SCN4A: variants seen among roughly 807,000 people sequenced by gnomAD.
SCN4A encodes the protein sodium channel protein type 4 subunit alpha.
Under a neutral mutation model 162.0 loss-of-function variants are expected in SCN4A, and 83 were observed. The observed-to-expected ratio is 0.51, with a 90% CI of 0.43 to 0.61. The LOEUF is 0.61. Ranked by LOEUF, SCN4A falls within the 20% of genes least tolerant of loss-of-function variation. The pLI, the probability that SCN4A is intolerant of heterozygous loss-of-function variation, is 0.00. For missense variants in SCN4A, 2,196 were observed against 2,462.5 expected (o/e 0.89, Z 2.29); for synonymous variants, 944 against 985.1 (o/e 0.96, Z 0.78).
intron 5 of SCN4A, 23 bp downstream of exon 5, chr17:63,971,139 G>T (rs1305509301): frequency 3.3e-6 from 5 of 1,501,840 alleles, no homozygotes; most frequent in Non-Finnish European, 4.5e-6. Context: ...CTCAGGCAGA[G>T]GGTCCCTGCA....
rs774952045 is a variant in SCN4A, at chr17:63,966,465, C to T, written c.1100+16G>A. 1.9e-5 allele frequency: 31 copies of T among 1,612,618 alleles called. No homozygotes were observed. The highest frequency in any genetic ancestry group is 2.5e-5 in the Non-Finnish European group (30 of 1,178,680). ...ACCCCTGGGGTGCCTTTTCTGCATC[C>T]CTTAGCATCACTCACCCAGCATCAC... On this transcript the variant is annotated intron_variant, in intron 7 of 23. Coordinates refer to ENST00000435607, the MANE Select transcript of SCN4A (RefSeq NM_000334.4).
In SCN4A at chr17:63,944,550, C is replaced by G; in HGVS notation, c.3912+123G>C. ...TGGGACTGGGACCCAAGCTAGCTGCCTGAACCAACAACCTGGTAGGTGCTC... is the reference window on the plus strand; with the variant it reads ...TGGGACTGGGACCCAAGCTAGCTGCGTGAACCAACAACCTGGTAGGTGCTC... On this transcript the variant is annotated intron_variant, in intron 21 of 23. Coordinates refer to ENST00000435607, the MANE Select transcript of SCN4A (RefSeq NM_000334.4). The surrounding 1 kb of genome is among the most constrained non-coding windows in gnomAD (Gnocchi z 4.3). The G allele has an allele frequency of 8.8e-7, 1 of 1,141,122 alleles. No homozygotes were observed. The highest frequency in any genetic ancestry group is 1.6e-5 in the South Asian group (1 of 64,346). 70.7% of individuals were successfully genotyped at this position (1,141,122 alleles called of 1,614,324 possible). A position where few individuals can be genotyped will look rare whatever the true frequency, so the allele number is the denominator to read the frequency against.
In SCN4A at chr17:63,949,343, G is replaced by T. The variant is rs377142017; in HGVS notation, c.2989+50C>A. ...TCCTGGTGTAGCCTGCCCCTTGCAG[G>T]GGCTGCAGGCCTGGGGGAGACACCC... On this transcript the variant is annotated intron_variant, in intron 15 of 23. Transcript: ENST00000435607. 24 of 1,523,386 alleles carry T rather than the reference G, an allele frequency of 1.6e-5. No individual in the cohort carries two copies. The East Asian group carries it at 3.4e-4, about 22-fold the overall frequency. The allele number at this position is 1,523,386 out of a possible 1,614,324, so 94.4% of individuals were successfully genotyped here.
intron 12 of SCN4A, among the ~76,000 whole-genome samples, chr17:63,958,262 G>T (rs1909134455): frequency 6.6e-6 from 1 of 150,750 alleles, no homozygotes; most frequent in Non-Finnish European, 1.5e-5. Context: ...AGGCTGAGGT[G>T]GGAGAATCAC....
rs764952692 is a variant in SCN4A, at chr17:63,941,992, G to A, written c.4290C>T (p.Gly1430=). The A allele has an allele frequency of 6.4e-7, 1 of 1,563,214 alleles. No individual in the cohort carries two copies. Among genetic ancestry groups the A allele is most frequent in the East Asian group, 2.3e-5 (1 of 44,254 alleles). Reference sequence around the variant, plus strand: ...TCTGGATCAGGTCAGAGAGGGCAAGGCCTGCGGGGAGAAGCTAGTGAGGAC... The same window carrying A: ...TCTGGATCAGGTCAGAGAGGGCAAGACCTGCGGGGAGAAGCTAGTGAGGAC... The part of the protein sequence containing the change: ...DFVVVILSIV[G]LALSDLIQKY... The change falls in exon 24 of 24, where the codon GGC becomes GGT. Residue 1430 remains glycine (G), a splice_region_variant and synonymous_variant. Coordinates refer to ENST00000435607, the MANE Select transcript of SCN4A (RefSeq NM_000334.4). This position sits in a 1 kb window ranked among gnomAD's most constrained non-coding sequence, Gnocchi z 6.2.
Position 63,945,485 on chromosome 17 carries a change from C to G in SCN4A, c.3595G>C (p.Asp1199His), listed in dbSNP as rs780268341. The G allele has an allele frequency of 6.2e-7, 1 of 1,613,936 alleles. No homozygotes were observed. Among genetic ancestry groups the G allele is most frequent in the Non-Finnish European group, 8.5e-7 (1 of 1,179,862 alleles). ...CINTTTSERF[D>H]ISEVNNKSEC... is the part of the protein sequence containing the mutation. ...GACTTGTTGTTGACCTCGGAGATGT[C>G]GAACCTCTCAGAGGTGGTGGTGTTG... The change falls in exon 19 of 24, where the codon GAC becomes CAC. Residue 1199 changes from aspartate (D) to histidine (H), a missense_variant. Coordinates refer to ENST00000435607, the MANE Select transcript of SCN4A (RefSeq NM_000334.4). This position sits in a 1 kb window ranked among gnomAD's most constrained non-coding sequence, Gnocchi z 4.4.
At chr17:63,965,792 C>T (rs1052119310) in intron 8 of SCN4A, among the ~76,000 whole-genome samples, 1 of 152,208 alleles carries the variant, frequency 6.6e-6, no homozygotes, top group Non-Finnish European at 1.5e-5. Context: ...CGGCAGGCAG[C>T]ATTGGATTTC....
chr17:63,967,497 C>A (rs986546309), intron 6 of SCN4A, among the ~76,000 whole-genome samples: 1 of 151,952 alleles, frequency 6.6e-6, no homozygotes, highest in Non-Finnish European at 1.5e-5. Context: ...CTGCAGTAAC[C>A]CTTTGAGGAA....
Position 63,945,191 on chromosome 17 carries a change from T to C in SCN4A, c.3721-131A>G. ...CTGCCAGAGCCCCACTGGGCTAGCATCAAATAAAGACCAGAGAGGTCTAGA... is the reference window on the plus strand; with the variant it reads ...CTGCCAGAGCCCCACTGGGCTAGCACCAAATAAAGACCAGAGAGGTCTAGA... On this transcript the variant is annotated intron_variant, in intron 19 of 23. Coordinates refer to ENST00000435607, the MANE Select transcript of SCN4A (RefSeq NM_000334.4). This position sits in a 1 kb window ranked among gnomAD's most constrained non-coding sequence, Gnocchi z 4.4. 1 of 1,061,116 alleles carries C rather than the reference T, an allele frequency of 9.4e-7. No individual in the cohort carries two copies. The highest frequency in any genetic ancestry group is 1.4e-6 in the Non-Finnish European group (1 of 714,100). 65.7% of individuals were successfully genotyped at this position (1,061,116 alleles called of 1,614,324 possible). A position where few individuals can be genotyped will look rare whatever the true frequency, so the allele number is the denominator to read the frequency against.
At position 63,945,035 on chromosome 17, in the gene SCN4A, A is replaced by G; in HGVS notation, c.3746T>C (p.Ile1249Thr). ...QVATFKGWMD[I>T]MYAAVDSREK... The stretch of plus-strand genomic sequence containing the variant: ...CCGGGAGTCCACGGCTGCATACATG[A>G]TGTCCATCCAACCCTTGAAGGTGGC... The change falls in exon 20 of 24, where the codon ATC becomes ACC. Residue 1249 changes from isoleucine to threonine, a missense_variant. Physicochemically the swap from Ile to Thr is moderately conservative, Grantham distance 89. Transcript: ENST00000435607. The surrounding 1 kb of genome is among the most constrained non-coding windows in gnomAD (Gnocchi z 4.4). The G allele has an allele frequency of 1.2e-6, 2 of 1,613,784 alleles. No individual in the cohort carries two copies. Among genetic ancestry groups the G allele is most frequent in the Non-Finnish European group, 1.7e-6 (2 of 1,179,820 alleles).
intron 18 of SCN4A, among the ~76,000 whole-genome samples, chr17:63,946,386 T>C (rs1190076922): frequency 6.6e-6 from 1 of 151,788 alleles, no homozygotes; most frequent in Non-Finnish European, 1.5e-5. Context: ...GGCCTCTAGA[T>C]TTGCAGAAAT....
chr17:63,961,034 C>A (rs549120485), intron 11 of SCN4A, among the ~76,000 whole-genome samples, 159 bp downstream of exon 11: 79 of 149,032 alleles, frequency 5.3e-4, no homozygotes, highest in Middle Eastern at 6.8e-3. Flanking sequence ...GTACCCCCCC[C>A]CACATCAACT....
chr17:63,941,623 A>G lies in SCN4A; in HGVS notation c.4659T>C (p.Cys1553=), dbSNP rs1209232247. 2 of 1,613,940 alleles carry G rather than the reference A, an allele frequency of 1.2e-6. No individual in the cohort carries two copies. The highest frequency in any genetic ancestry group is 1.7e-6 in the Non-Finnish European group (2 of 1,179,970). Reference sequence around the variant, plus strand: ...TGCCCGGGTTCTCCAGGTTGGGGTCACAGTCTGGGGGCCCGCTGTTGAGGA... The same window carrying G: ...TGCCCGGGTTCTCCAGGTTGGGGTCGCAGTCTGGGGGCCCGCTGTTGAGGA... ...NPILNSGPPD[C]DPNLENPGTS... Residue 1553 remains cysteine (C), a synonymous_variant, in exon 24 of 24, where the codon TGT becomes TGC. Coordinates refer to ENST00000435607, the MANE Select transcript of SCN4A (RefSeq NM_000334.4). The surrounding 1 kb of genome is among the most constrained non-coding windows in gnomAD (Gnocchi z 6.2).
In SCN4A at chr17:63,944,858, T is replaced by A; in HGVS notation, c.3775-48A>T. ...CGGCGTGGGTTTGCACGCTGGCTTC[T>A]CCCTGCCCCCCACAGCCCTGAGGGC... On this transcript the variant is annotated intron_variant, in intron 20 of 23. Coordinates refer to ENST00000435607, the MANE Select transcript of SCN4A (RefSeq NM_000334.4). The surrounding 1 kb of genome is among the most constrained non-coding windows in gnomAD (Gnocchi z 4.3). 1 of 1,606,494 alleles carries A rather than the reference T, an allele frequency of 6.2e-7. No homozygotes were observed. Among genetic ancestry groups the A allele is most frequent in the Non-Finnish European group, 8.5e-7 (1 of 1,175,944 alleles).
intron 13 of SCN4A, among the ~76,000 whole-genome samples, chr17:63,952,596 C>A (rs1908948725): frequency 6.6e-6 from 1 of 152,158 alleles, no homozygotes; most frequent in Admixed American, 6.5e-5. Flanking sequence ...ACTTTATAGA[C>A]CCCGCACTCC....
At chr17:63,948,917 T>C (rs993816126) in intron 15 of SCN4A, among the ~76,000 whole-genome samples, 152 bp from the exon 16 acceptor site, 1 of 152,112 alleles carries the variant, frequency 6.6e-6, no homozygotes, top group Admixed American at 6.5e-5. Flanking sequence ...CCCAGCTCCA[T>C]CTGGCTCACA....
Position 63,945,299 on chromosome 17 carries a change from A to AG in SCN4A, c.3720+60dup, listed in dbSNP as rs58028318. On this transcript the variant is annotated intron_variant, in intron 19 of 23. Coordinates refer to ENST00000435607, the MANE Select transcript of SCN4A (RefSeq NM_000334.4). This position sits in a 1 kb window ranked among gnomAD's most constrained non-coding sequence, Gnocchi z 4.4. ...TGACACTGGGGTTGGGTACAACGAGAGGACCGGGGTGGGGGGCACCTCCAT... is the reference window on the plus strand; with the variant it reads ...TGACACTGGGGTTGGGTACAACGAGAGGGACCGGGGTGGGGGGCACCTCCAT... The AG allele has an allele frequency of 1, 1,445,333 of 1,445,556 alleles. 722,557 individuals carry two copies. Among genetic ancestry groups the AG allele is most frequent in the Admixed American group, 1 (56,393 of 56,394 alleles). The allele number at this position is 1,445,556 out of a possible 1,614,324, so 89.5% of individuals were successfully genotyped here.
Position 63,972,902 on chromosome 17 carries a change from C to T in SCN4A, c.-61G>A. 6.6e-7 allele frequency: 1 copy of T among 1,525,624 alleles called. No individual in the cohort carries two copies. The highest frequency in any genetic ancestry group is 8.8e-7 in the Non-Finnish European group (1 of 1,137,170). The allele number at this position is 1,525,624 out of a possible 1,614,324, so 94.5% of individuals were successfully genotyped here. ...GGGTGGCCTGGGGAGCTGCAGTGCGCAGCCCCGGGGTGCTGGGCGGCCGCC... is the reference window on the plus strand; with the variant it reads ...GGGTGGCCTGGGGAGCTGCAGTGCGTAGCCCCGGGGTGCTGGGCGGCCGCC... On this transcript the variant is annotated 5_prime_UTR_variant, in exon 1 of 24. Coordinates refer to ENST00000435607, the MANE Select transcript of SCN4A (RefSeq NM_000334.4). This position sits in a 1 kb window ranked among gnomAD's most constrained non-coding sequence, Gnocchi z 4.3.
At chr17:63,966,284 C>T (rs1488626728) in intron 7 of SCN4A, 41 bp from the exon 8 acceptor site, 2 of 1,586,094 alleles carry the variant, frequency 1.3e-6, no homozygotes, top group Non-Finnish European at 1.7e-6. Flanking sequence ...GTGGGAGGAG[C>T]ACTCCAGCTG....
Sources: gnomAD v4.1 joint callset for allele counts (sites outside exome capture counted in the v4.1 genomes callset) on GRCh38, gnomAD v4.1.1 for gene constraint, Gnocchi (gnomAD v3.1) non-coding constraint, MANE v1.5 for transcripts, NCBI Gene and HGNC (gene_info 2026-07-23, HGNC 2026-07-21) for gene names.